The following ELMO1 variants were observed in gnomAD, a reference collection of about 807,000 sequenced individuals.
ELMO1 encodes the protein engulfment and cell motility protein 1.
A neutral mutation model predicts 98.9 loss-of-function variants in ELMO1; 26 were observed. That is an observed-to-expected ratio of 0.26 (90% CI 0.19 to 0.36). ELMO1 has a LOEUF of 0.36. Among genes scored for constraint, ELMO1 ranks in the 10% least tolerant of loss-of-function variants. The probability of loss-of-function intolerance (pLI) is 1.00; values close to 1 mark genes in which losing one functional copy is unlikely to be tolerated. For missense variants in ELMO1, 627 were observed against 935.2 expected (o/e 0.67, Z 4.30); for synonymous variants, 346 against 346.0 (o/e 1.00, Z 0.00).
In ELMO1 at chr7:37,193,303, G is replaced by A. The variant is rs147421237; in HGVS notation, c.1086+18083C>T. 3.3e-5 allele frequency among the ~76,000 whole-genome samples: 5 copies of A among 152,194 alleles called. No homozygotes were observed. In the East Asian group the frequency reaches 5.8e-4, roughly 18 times the overall value. On this transcript the variant is annotated intron_variant, in intron 13 of 21. Coordinates refer to ENST00000310758, the MANE Select transcript of ELMO1 (RefSeq NM_014800.11). ...CAGGTGGGGCTACGCAGCCCAACCC[G>A]CACAGTGATTGTATCCAACCAAGGC...
intron 16 of ELMO1, among the ~76,000 whole-genome samples, chr7:37,000,067 G>T (rs1792537796): frequency 6.6e-6 from 1 of 152,158 alleles, no homozygotes; most frequent in Middle Eastern, 3.2e-3. Flanking sequence ...AAATGTCCAG[G>T]CTTGCCCAGT....
At chr7:37,125,931 A>T (rs190068610) in intron 14 of ELMO1, among the ~76,000 whole-genome samples, 1 of 152,356 alleles carries the variant, frequency 6.6e-6, no homozygotes, top group East Asian at 1.9e-4. Flanking sequence ...GATTAAGAAA[A>T]TGTGGCACAT....
intron 16 of ELMO1, among the ~76,000 whole-genome samples, chr7:36,942,280 C>G (rs1787109641): frequency 6.6e-6 from 1 of 152,202 alleles, no homozygotes; most frequent in Admixed American, 6.5e-5. Context: ...AGGCATCCCC[C>G]TCTCTGCCAT....
At chr7:37,242,474 T>C (rs943063885) in intron 7 of ELMO1, among the ~76,000 whole-genome samples, 8 of 152,304 alleles carry the variant, frequency 5.3e-5, no homozygotes, top group Admixed American at 3.9e-4. Context: ...TTCTTAACTA[T>C]AGGTCGTCTT....
intron 17 of ELMO1, among the ~76,000 whole-genome samples, chr7:36,892,220 G>A (rs1805616794): frequency 6.6e-6 from 1 of 152,208 alleles, no homozygotes; most frequent in Admixed American, 6.5e-5. Flanking sequence ...CACACAGAGG[G>A]AGGAGGGCAG....
intron 15 of ELMO1, among the ~76,000 whole-genome samples, chr7:37,019,480 G>C (rs1794146151): frequency 6.6e-6 from 1 of 152,184 alleles, no homozygotes; most frequent in Non-Finnish European, 1.5e-5. Context: ...CAACACGGTG[G>C]CCATGTTCAC....
chr7:36,899,235 G>C (rs2129057722), intron 16 of ELMO1, among the ~76,000 whole-genome samples: 1 of 152,328 alleles, frequency 6.6e-6, no homozygotes, highest in East Asian at 1.9e-4. Flanking sequence ...CTGTAACCAA[G>C]GATATGTCAC....
At chr7:37,254,116 G>C (rs1245634874) in intron 6 of ELMO1, among the ~76,000 whole-genome samples, 1 of 152,132 alleles carries the variant, frequency 6.6e-6, no homozygotes, top group Non-Finnish European at 1.5e-5. Flanking sequence ...CTGAGCATGA[G>C]ATGCAGGACC....
At chr7:36,936,232 T>C (rs1042297687) in intron 16 of ELMO1, among the ~76,000 whole-genome samples, 1 of 152,188 alleles carries the variant, frequency 6.6e-6, no homozygotes, top group Non-Finnish European at 1.5e-5. Flanking sequence ...TGGGATCACA[T>C]TCTGAAGAGA....
intron 13 of ELMO1, among the ~76,000 whole-genome samples, chr7:37,164,180 G>A (rs1488958418): frequency 3.9e-5 from 6 of 152,076 alleles, no homozygotes; most frequent in Non-Finnish European, 7.4e-5. Context: ...CTTTTTCATG[G>A]GGTTGTTTGT....
chr7:37,107,760 T>C (rs1785029577), intron 14 of ELMO1, among the ~76,000 whole-genome samples: 1 of 152,238 alleles, frequency 6.6e-6, no homozygotes, highest in African/African-American at 2.4e-5. Flanking sequence ...AACCACCACA[T>C]ATATTGTCTG....
At chr7:37,042,655 A>G (rs1228603863) in intron 15 of ELMO1, among the ~76,000 whole-genome samples, 1 of 152,186 alleles carries the variant, frequency 6.6e-6, no homozygotes, top group Non-Finnish European at 1.5e-5. Context: ...AAAATCTGAG[A>G]CATCCTGAAC....
At chr7:37,239,331 A>AT (rs1163835674) in intron 7 of ELMO1, among the ~76,000 whole-genome samples, 2 of 151,922 alleles carry the variant, frequency 1.3e-5, no homozygotes, top group South Asian at 2.1e-4. Context: ...TGCATGGATA[A>AT]TTTTTTTGTA....
intron 2 of ELMO1, among the ~76,000 whole-genome samples, chr7:37,321,640 T>C (rs1291437798): frequency 1.2e-4 from 16 of 136,630 alleles, no homozygotes; most frequent in African/African-American, 4.0e-4. Flanking sequence ...TGGCGTGAAC[T>C]CGGGAGGCGG....
At chr7:36,930,972 A>G (rs940243149) in intron 16 of ELMO1, among the ~76,000 whole-genome samples, 8 of 152,238 alleles carry the variant, frequency 5.3e-5, no homozygotes, top group Non-Finnish European at 8.8e-5. Context: ...AAAAGCGGTC[A>G]GAATGGATAA....
At chr7:36,996,363 AT>A (rs895733072) in intron 16 of ELMO1, among the ~76,000 whole-genome samples, 3 of 152,054 alleles carry the variant, frequency 2.0e-5, no homozygotes, top group African/African-American at 2.4e-5. Context: ...ATTATTAGCT[AT>A]TTTTTTCAAC....
chr7:37,349,507 G>T (rs1234056746), intron 1 of ELMO1, among the ~76,000 whole-genome samples: 1 of 152,178 alleles, frequency 6.6e-6, no homozygotes, highest in Non-Finnish European at 1.5e-5. Flanking sequence ...AGGCTGGAGT[G>T]CAGTGGCACA....
rs746235268 is a variant in ELMO1, at chr7:36,932,252, TTC to T, written c.1438-37237_1438-37236del. 1.5e-4 allele frequency among the ~76,000 whole-genome samples: 23 copies of T among 152,308 alleles called. 1 individual carries two copies. The East Asian group carries it at 2.5e-3, about 17-fold the overall frequency. Reference sequence around the variant, plus strand: ...ATAAGAAGTATTAGTTTTCTGTGTTTTCTCTCTCTCAAGGAGTTCCCTGATTA... The same window carrying T: ...ATAAGAAGTATTAGTTTTCTGTGTTTTCTCTCTCAAGGAGTTCCCTGATTA... On this transcript the variant is annotated intron_variant, in intron 16 of 21. Transcript: ENST00000310758.
chr7:37,173,850 A>C (rs897203211), intron 13 of ELMO1, among the ~76,000 whole-genome samples: 3 of 152,186 alleles, frequency 2.0e-5, no homozygotes, highest in African/African-American at 7.2e-5. Context: ...GGCTTTAGTG[A>C]GGTTAGACAA....
Sources: allele counts gnomAD v4.1 joint callset (sites outside exome capture counted in the v4.1 genomes callset), GRCh38; gene constraint gnomAD v4.1.1; transcripts MANE v1.5; gene names NCBI Gene and HGNC (gene_info 2026-07-23, HGNC 2026-07-21).